RAB38: variants seen among roughly 807,000 people sequenced by gnomAD.
RAB38 encodes RAB38, member RAS oncogene family.
A neutral mutation model predicts 18.4 loss-of-function variants in RAB38; 15 were observed. That is an observed-to-expected ratio of 0.82 (90% confidence interval 0.55 to 1.26). The LOEUF is 1.26. RAB38 is among the 50% of genes most tolerant of loss of function. RAB38 has a pLI of 0.00. For synonymous variants in RAB38, 101 were observed against 104.4 expected (o/e 0.97, Z 0.20); for missense variants, 294 against 267.4 (o/e 1.10, Z -0.69).
chr11:88,152,153 A>G (rs1565217775), intron 1 of RAB38, among the ~76,000 whole-genome samples: 1 of 152,220 alleles, frequency 6.6e-6, no homozygotes, highest in Admixed American at 6.5e-5. Flanking sequence ...AACAGGGGAA[A>G]AAAGCCTTCT....
At chr11:87,902,378 T>C in the RAB38 span, among the ~76,000 whole-genome samples, 1 of 151,592 alleles carries the variant, frequency 6.6e-6, no homozygotes, top group Non-Finnish European at 1.5e-5. Flanking sequence ...CCCATTGAAT[T>C]GTTTTGGTGC....
the RAB38 span, among the ~76,000 whole-genome samples, chr11:87,871,697 T>C: frequency 6.6e-6 from 1 of 151,608 alleles, no homozygotes. Flanking sequence ...ACATTTTCCC[T>C]GTGGCTAACA....
chr11:87,933,935 GCAT>G, the RAB38 span, among the ~76,000 whole-genome samples: 1 of 152,096 alleles, frequency 6.6e-6, no homozygotes, highest in Non-Finnish European at 1.5e-5. Context: ...TGGCAGAAAG[GCAT>G]CATGAAGAGA....
At chr11:88,053,213 T>TAC in the RAB38 span, among the ~76,000 whole-genome samples, 3 of 90,816 alleles carry the variant, frequency 3.3e-5, no homozygotes, top group African/African-American at 4.5e-5. Flanking sequence ...AATATATATA[T>TAC]ACACACATAT....
the RAB38 span, among the ~76,000 whole-genome samples, chr11:88,091,512 G>A: frequency 4.6e-5 from 7 of 151,932 alleles, no homozygotes; most frequent in East Asian, 3.9e-4. Flanking sequence ...TCTCCATCTC[G>A]CCATCTCACC....
At chr11:88,137,368 A>G (rs1474912223) in intron 2 of RAB38, among the ~76,000 whole-genome samples, 1 of 152,228 alleles carries the variant, frequency 6.6e-6, no homozygotes, top group East Asian at 1.9e-4. Context: ...AAAATAATTC[A>G]GCATCTTCAC....
At chr11:88,033,074 G>T in the RAB38 span, among the ~76,000 whole-genome samples, 1 of 152,130 alleles carries the variant, frequency 6.6e-6, no homozygotes, top group Non-Finnish European at 1.5e-5. Flanking sequence ...CATGTCCTTT[G>T]TAGGGACATC....
chr11:88,038,381 T>C, the RAB38 span, among the ~76,000 whole-genome samples: 1 of 152,232 alleles, frequency 6.6e-6, no homozygotes. Context: ...TTTATTTTCC[T>C]CTGGGAGGTA....
the RAB38 span, among the ~76,000 whole-genome samples, chr11:88,040,133 A>T: frequency 6.6e-6 from 1 of 152,180 alleles, no homozygotes; most frequent in Non-Finnish European, 1.5e-5. Context: ...TTGCTGTGTT[A>T]ATTTTCTTGG....
chr11:87,922,894 G>T, the RAB38 span, among the ~76,000 whole-genome samples: 3 of 151,016 alleles, frequency 2.0e-5, no homozygotes, highest in African/African-American at 7.3e-5. Flanking sequence ...GGAGATGGAA[G>T]GGGGAAGGGA....
chr11:87,960,130 TCAAA>T, the RAB38 span, among the ~76,000 whole-genome samples: 4 of 152,046 alleles, frequency 2.6e-5, no homozygotes, highest in East Asian at 1.9e-4. Flanking sequence ...GGCTTTTAAA[TCAAA>T]CAAACAGTGT....
chr11:88,054,054 C>T, the RAB38 span, among the ~76,000 whole-genome samples: 63 of 152,186 alleles, frequency 4.1e-4, no homozygotes, highest in African/African-American at 9.9e-4. Context: ...TCACGAACTG[C>T]GAAGAATGAA....
At chr11:88,169,531 C>G (rs1436101005) in intron 1 of RAB38, among the ~76,000 whole-genome samples, 1 of 151,978 alleles carries the variant, frequency 6.6e-6, no homozygotes, top group Non-Finnish European at 1.5e-5. Context: ...CATGAGTAGT[C>G]AAGGATATAG....
chr11:87,818,181 T>TA, the RAB38 span, among the ~76,000 whole-genome samples: 1 of 152,166 alleles, frequency 6.6e-6, no homozygotes, highest in Non-Finnish European at 1.5e-5. Context: ...TTTGCTTTTC[T>TA]AAAAAATTCC....
chr11:87,860,086 T>G, the RAB38 span, among the ~76,000 whole-genome samples: 1 of 151,938 alleles, frequency 6.6e-6, no homozygotes. Flanking sequence ...ATGGAGGAGA[T>G]TCTAACAAAG....
At chr11:88,121,131 C>T (rs772659307) in intron 2 of RAB38, among the ~76,000 whole-genome samples, 33 of 152,240 alleles carry the variant, frequency 2.2e-4, no homozygotes, top group South Asian at 4.2e-4. Flanking sequence ...CACCATGAAA[C>T]ATTATCTTTA....
chr11:87,855,279 T>C, the RAB38 span, among the ~76,000 whole-genome samples: 4 of 152,180 alleles, frequency 2.6e-5, no homozygotes, highest in Non-Finnish European at 5.9e-5. Context: ...GTTCAGTGTA[T>C]ATAAATGCTT....
At chr11:87,805,184 G>C in the RAB38 span, among the ~76,000 whole-genome samples, 1 of 152,160 alleles carries the variant, frequency 6.6e-6, no homozygotes, top group African/African-American at 2.4e-5. Context: ...GTGTGAAAGA[G>C]CCTGCTTGGT....
the RAB38 span, among the ~76,000 whole-genome samples, chr11:88,039,855 G>A: frequency 1.6e-4 from 24 of 152,288 alleles, no homozygotes; most frequent in African/African-American, 4.3e-4. Flanking sequence ...GGGAATGCTC[G>A]TGGGAGTGGG....
Sources: allele counts gnomAD v4.1 joint callset (sites outside exome capture counted in the v4.1 genomes callset), GRCh38; gene constraint gnomAD v4.1.1; transcripts MANE v1.5; gene names NCBI Gene and HGNC (gene_info 2026-07-23, HGNC 2026-07-21).